The following ZNF469 variants were observed in gnomAD, a reference collection of about 807,000 sequenced individuals.
ZNF469 encodes the protein zinc finger protein 469.
A neutral mutation model predicts 1.0 loss-of-function variants in ZNF469; 1 was observed. That is an observed-to-expected ratio of 1.00 (90% CI 0.35 to 4.73). ZNF469 has a LOEUF of 4.73. Ranked by LOEUF, ZNF469 falls within the 30% of genes most tolerant of loss-of-function variation. The pLI is 0.16. For missense variants in ZNF469, 6,100 were observed against 5,356.3 expected, an observed-to-expected ratio of 1.14 and a Z score of -4.33; for synonymous variants, 2,703 against 2,363.4, an observed-to-expected ratio of 1.14 and a Z score of -4.17.
the ZNF469 span, among the ~76,000 whole-genome samples, chr16:88,151,149 C>G: frequency 3.3e-5 from 5 of 152,246 alleles, no homozygotes; most frequent in African/African-American, 7.2e-5. The surrounding 1 kb of genome is among the most constrained non-coding windows in gnomAD (Gnocchi z 5.4). Context: ...AAGGCAGCCC[C>G]TCTGCAAACA....
chr16:88,121,973 C>G, the ZNF469 span, among the ~76,000 whole-genome samples: 1 of 152,204 alleles, frequency 6.6e-6, no homozygotes. Flanking sequence ...GCCAAATAAA[C>G]AGTGTAGACA....
the ZNF469 span, among the ~76,000 whole-genome samples, chr16:88,270,736 C>T: frequency 1.3e-5 from 2 of 152,256 alleles, no homozygotes; most frequent in Admixed American, 1.3e-4. Flanking sequence ...GCCTGCTTCT[C>T]ATTCCTCCTC....
rs181121119 is a variant in ZNF469 at position 88,415,028 on chromosome 16, C to T, written c.-191-9779C>T. 5.3e-5 allele frequency among the ~76,000 whole-genome samples: 8 copies of T among 152,328 alleles called. No individual in the cohort carries two copies. In the East Asian group the frequency reaches 1.5e-3, roughly 29 times the overall value. On this transcript the variant is annotated intron_variant, in intron 1 of 2. Transcript: ENST00000565624. ...CCTGCAACAGGGAAGGGCACTGCCT[C>T]GGCCTCGCAGAGACTCCGGTCCCGG...
At chr16:88,219,295 G>C in the ZNF469 span, among the ~76,000 whole-genome samples, 239 of 148,276 alleles carry the variant, frequency 1.6e-3, 1 homozygote, top group African/African-American at 5.9e-3. Flanking sequence ...AATCAAAAAA[G>C]AGCCCGCATT....
chr16:88,102,907 G>C, the ZNF469 span, among the ~76,000 whole-genome samples: 2 of 152,260 alleles, frequency 1.3e-5, no homozygotes, highest in African/African-American at 2.4e-5. Flanking sequence ...ATGTGCTCAT[G>C]GCTTTGGTTC....
rs764531239 is a variant in ZNF469 at position 88,436,271 on chromosome 16, T to A, written c.8801T>A (p.Leu2934Gln). 76 of 1,549,848 alleles carry A rather than the reference T, an allele frequency of 4.9e-5. No homozygotes were observed. Among genetic ancestry groups the A allele is most frequent in the Non-Finnish European group, 5.0e-5 (57 of 1,146,874 alleles). Reference sequence around the variant, plus strand: ...TGGGAGGACGAGGATCCCGCAGGTCTGCCCGAGTCCTTCCTCCTGGATGGG... The same window carrying A: ...TGGGAGGACGAGGATCCCGCAGGTCAGCCCGAGTCCTTCCTCCTGGATGGG... Reference protein sequence around the residue: ...DPWEDEDPAGLPESFLLDGFL... With the variant: ...DPWEDEDPAGQPESFLLDGFL... Residue 2934 changes from leucine to glutamine, a missense_variant, in exon 3 of 3, where the codon CTG (leucine) becomes CAG (glutamine). By Grantham distance (113) the Leu-to-Gln change is moderately radical (BLOSUM62 -2). Coordinates refer to ENST00000565624, the MANE Select transcript of ZNF469 (RefSeq NM_001367624.2).
the ZNF469 span, among the ~76,000 whole-genome samples, chr16:88,216,651 A>G: frequency 2.0e-5 from 3 of 152,136 alleles, no homozygotes; most frequent in African/African-American, 7.2e-5. Context: ...CATATGATGT[A>G]CCTAGTTGTG....
the ZNF469 span, among the ~76,000 whole-genome samples, chr16:88,310,692 C>A: frequency 6.6e-6 from 1 of 152,132 alleles, no homozygotes. Context: ...AAGCGATTCT[C>A]CTGCCTCAAC....
the ZNF469 span, among the ~76,000 whole-genome samples, chr16:88,211,366 G>A: frequency 2.0e-5 from 3 of 152,240 alleles, no homozygotes; most frequent in East Asian, 1.9e-4. Context: ...TAAATGCCTG[G>A]AAGGCCAGTG....
chr16:88,282,898 G>T, the ZNF469 span, among the ~76,000 whole-genome samples: 1 of 152,162 alleles, frequency 6.6e-6, no homozygotes, highest in Admixed American at 6.5e-5. Context: ...CATTCTGGGA[G>T]CGCATTACCT....
the ZNF469 span, among the ~76,000 whole-genome samples, chr16:88,270,387 C>T: frequency 6.6e-6 from 1 of 152,214 alleles, no homozygotes; most frequent in Non-Finnish European, 1.5e-5. Context: ...GCCCATGTGG[C>T]CGGCCAGCTC....
chr16:88,229,486 G>T, the ZNF469 span, among the ~76,000 whole-genome samples: 6 of 152,132 alleles, frequency 3.9e-5, no homozygotes, highest in African/African-American at 1.4e-4. Context: ...TACGTGCGGT[G>T]CTTGTGCTAG....
chr16:88,364,599 T>C, the ZNF469 span, among the ~76,000 whole-genome samples: 6 of 151,176 alleles, frequency 4.0e-5, no homozygotes, highest in African/African-American at 1.2e-4. Context: ...AGTCTTCCAG[T>C]CCATGAATAT....
chr16:88,399,814 C>T (rs1224067976), intron 1 of ZNF469, among the ~76,000 whole-genome samples: 1 of 152,242 alleles, frequency 6.6e-6, no homozygotes, highest in Non-Finnish European at 1.5e-5. Context: ...CAGGAGTGCA[C>T]AGGAGGCGTG....
chr16:88,216,196 T>G, the ZNF469 span, among the ~76,000 whole-genome samples: 1 of 152,160 alleles, frequency 6.6e-6, no homozygotes, highest in Non-Finnish European at 1.5e-5. Flanking sequence ...CTTTCAGCAC[T>G]TAAAAGATAT....
chr16:88,145,156 G>A, the ZNF469 span, among the ~76,000 whole-genome samples: 2 of 144,986 alleles, frequency 1.4e-5, no homozygotes, highest in Admixed American at 6.8e-5. Flanking sequence ...CCTATTTAAC[G>A]ATTACAAAAA....
chr16:88,381,435 C>G (rs2092525109), upstream of ZNF469, among the ~76,000 whole-genome samples: 1 of 152,178 alleles, frequency 6.6e-6, no homozygotes, highest in African/African-American at 2.4e-5. Context: ...CACACACACA[C>G]ACGGGTTTGG....
the ZNF469 span, among the ~76,000 whole-genome samples, chr16:88,106,577 C>A: frequency 6.6e-6 from 1 of 152,258 alleles, no homozygotes; most frequent in Non-Finnish European, 1.5e-5. Context: ...GGCCAACCAG[C>A]GGCTTTTCTG....
At chr16:88,116,824 G>A in the ZNF469 span, among the ~76,000 whole-genome samples, 28 of 152,272 alleles carry the variant, frequency 1.8e-4, no homozygotes, top group Middle Eastern at 0.014. Context: ...ACTGTGGGTC[G>A]GGGGAGTAGG....
Sources: gnomAD v4.1 joint callset for allele counts (sites outside exome capture counted in the v4.1 genomes callset) on GRCh38, gnomAD v4.1.1 for gene constraint, Gnocchi (gnomAD v3.1) non-coding constraint, MANE v1.5 for transcripts, NCBI Gene and HGNC (gene_info 2026-07-23, HGNC 2026-07-21) for gene names.